The following PIK3R1 variants were observed in gnomAD, a reference collection of about 807,000 sequenced individuals.
The protein encoded by PIK3R1 is phosphatidylinositol 3-kinase regulatory subunit alpha.
Under a neutral mutation model 98.0 loss-of-function variants are expected in PIK3R1, and 29 were observed. The ratio of observed to expected loss-of-function variants is 0.30; its 90% CI spans 0.22 to 0.40. PIK3R1 has a LOEUF of 0.40. PIK3R1 is among the 10% of genes least tolerant of loss of function. The probability of loss-of-function intolerance (pLI) is 1.00; values close to 1 mark genes in which losing one functional copy is unlikely to be tolerated. For synonymous variants in PIK3R1, 282 were observed against 311.8 expected, an observed-to-expected ratio of 0.90 and a Z score of 1.01; for missense variants, 596 against 872.7, an observed-to-expected ratio of 0.68 and a Z score of 3.99.
chr5:68,273,127 G>C (rs993840189), intron 2 of PIK3R1, among the ~76,000 whole-genome samples: 15 of 152,110 alleles, frequency 9.9e-5, no homozygotes, highest in African/African-American at 3.6e-4. Flanking sequence ...TACCTAGACA[G>C]GGGGGTTTGT....
At chr5:68,259,552 G>A (rs545223324) in intron 2 of PIK3R1, among the ~76,000 whole-genome samples, 1 of 152,208 alleles carries the variant, frequency 6.6e-6, no homozygotes, top group Admixed American at 6.5e-5. Context: ...CGTGAGGAGA[G>A]GGGTTCTGTT....
intron 3 of PIK3R1, 122 bp from the exon 4 acceptor site, chr5:68,273,817 T>G (rs2112166115): frequency 1.3e-6 from 1 of 778,612 alleles, no homozygotes; most frequent in East Asian, 2.5e-5. Context: ...CTTCCAAGAA[T>G]ATTTGGTACA....
intron 2 of PIK3R1, among the ~76,000 whole-genome samples, chr5:68,264,560 A>G (rs1746044847): frequency 6.6e-6 from 1 of 152,232 alleles, no homozygotes; most frequent in African/African-American, 2.4e-5. Flanking sequence ...AAATGAGATT[A>G]AACGCTGAGC....
intron 2 of PIK3R1, among the ~76,000 whole-genome samples, chr5:68,272,597 A>G (rs762445654): frequency 1.1e-4 from 17 of 152,208 alleles, no homozygotes; most frequent in South Asian, 2.1e-4. Flanking sequence ...ATGTTGAAGA[A>G]TGTTATTTAT....
chr5:68,226,462 C>G lies in PIK3R1; in HGVS notation c.-214C>G. On this transcript the variant is annotated 5_prime_UTR_variant, in exon 2 of 16. Coordinates refer to ENST00000521381, the MANE Select transcript of PIK3R1 (RefSeq NM_181523.3). Reference sequence around the variant, plus strand: ...CTGTGGCACGCAGAGGAAGTGGAGCCCTGTCTTCGGTCACACCATTGATGG... The same window carrying G: ...CTGTGGCACGCAGAGGAAGTGGAGCGCTGTCTTCGGTCACACCATTGATGG... The G allele has an allele frequency of 1.9e-6, 1 of 515,320 alleles. No homozygotes were observed. The highest frequency in any genetic ancestry group is 3.4e-6 in the Non-Finnish European group (1 of 292,092). The allele number at this position is 515,320 out of a possible 1,614,324, so 31.9% of individuals were successfully genotyped here.
chr5:68,239,280 C>T (rs933527449), intron 2 of PIK3R1, among the ~76,000 whole-genome samples: 1 of 151,918 alleles, frequency 6.6e-6, no homozygotes, highest in Non-Finnish European at 1.5e-5. Flanking sequence ...TTCTAAACAC[C>T]TAGAAATATA....
chr5:68,288,674 A>G lies in PIK3R1; in HGVS notation c.917-3585A>G, dbSNP rs1580255008. Reference sequence around the variant, plus strand: ...GGCTTGGCCCACTTGGTGGAAGAACAGCTTTGGGGATTTTTTTTTTTTCAT... The same window carrying G: ...GGCTTGGCCCACTTGGTGGAAGAACGGCTTTGGGGATTTTTTTTTTTTCAT... On this transcript the variant is annotated intron_variant, in intron 7 of 15. Transcript: ENST00000521381. The G allele has an allele frequency of 2.5e-6, 4 of 1,606,532 alleles. No individual in the cohort carries two copies. In the South Asian group the frequency reaches 3.3e-5, roughly 13 times the overall value.
chr5:68,249,568 C>G (rs185042685), intron 2 of PIK3R1, among the ~76,000 whole-genome samples: 1 of 152,290 alleles, frequency 6.6e-6, no homozygotes, highest in East Asian at 1.9e-4. Context: ...CATTGGACTT[C>G]TTAACTAAAC....
intron 2 of PIK3R1, among the ~76,000 whole-genome samples, chr5:68,245,863 T>C (rs948064874): frequency 1.3e-5 from 2 of 152,240 alleles, no homozygotes; most frequent in Admixed American, 6.5e-5. Flanking sequence ...TTCACCTTTT[T>C]TGAGGCTGTC....
In PIK3R1 at chr5:68,255,981, G is replaced by C. The variant is rs764860381; in HGVS notation, c.335-17409G>C. On this transcript the variant is annotated intron_variant, in intron 2 of 15. Transcript: ENST00000521381. ...TTTATTCTTTCTACTGAAGCACCTG[G>C]TTGAAAGGAGTGGGATGCTGAATTC... 1.6e-4 allele frequency among the ~76,000 whole-genome samples: 25 copies of C among 152,210 alleles called. 1 individual carries two copies. Among genetic ancestry groups the C allele is most frequent in the Admixed American group, 2.6e-4 (4 of 15,282 alleles).
At chr5:68,288,889 C>G in intron 7 of PIK3R1, 1 of 853,638 alleles carries the variant, frequency 1.2e-6, no homozygotes, top group African/African-American at 1.7e-5. Flanking sequence ...TTAGGGGAGA[C>G]ACTCCCCCTG....
At chr5:68,228,951 G>GAT (rs780024171) in intron 2 of PIK3R1, among the ~76,000 whole-genome samples, 9 of 151,806 alleles carry the variant, frequency 5.9e-5, no homozygotes, top group Non-Finnish European at 8.8e-5. Flanking sequence ...CATGTAATGT[G>GAT]ATGACAATTG....
At chr5:68,293,635 A>G (rs1034969797) in intron 10 of PIK3R1, 74 bp from the exon 11 acceptor site, 18 of 1,204,844 alleles carry the variant, frequency 1.5e-5, no homozygotes, top group African/African-American at 4.6e-5. Context: ...AGATGTTTCC[A>G]TGTCAGCTAT....
chr5:68,282,301 G>A (rs1307951843), intron 7 of PIK3R1, among the ~76,000 whole-genome samples: 1 of 152,144 alleles, frequency 6.6e-6, no homozygotes, highest in East Asian at 1.9e-4. Flanking sequence ...GTGTTCAGAG[G>A]CTGCCTTTGG....
intron 1 of PIK3R1, among the ~76,000 whole-genome samples, chr5:68,218,893 A>G (rs1170118674): frequency 6.6e-6 from 1 of 152,372 alleles, no homozygotes; most frequent in East Asian, 1.9e-4. Context: ...ACAGCTTTTT[A>G]TCAAAACCTA....
intron 2 of PIK3R1, among the ~76,000 whole-genome samples, chr5:68,230,169 C>T (rs563429343): frequency 2.5e-4 from 38 of 152,320 alleles, no homozygotes; most frequent in African/African-American, 7.2e-4. Context: ...TCAAATCTTT[C>T]GTCTCATGGA....
intron 2 of PIK3R1, among the ~76,000 whole-genome samples, chr5:68,243,308 C>T (rs1193555846): frequency 6.6e-6 from 1 of 152,124 alleles, no homozygotes; most frequent in Non-Finnish European, 1.5e-5. Context: ...AAGATTTGTT[C>T]CACTGCTTTG....
At chr5:68,273,914 G>A in intron 3 of PIK3R1, 25 bp from the exon 4 acceptor site, 1 of 1,588,638 alleles carries the variant, frequency 6.3e-7, no homozygotes, top group Admixed American at 1.7e-5. Flanking sequence ...TGCATACATG[G>A]TCTGTGGTCT....
chr5:68,258,455 C>T (rs182614859), intron 2 of PIK3R1, among the ~76,000 whole-genome samples: 3 of 152,296 alleles, frequency 2.0e-5, no homozygotes, highest in Admixed American at 2.0e-4. Context: ...CATATTTCGA[C>T]CTCTGCCCTC....
Sources: allele counts gnomAD v4.1 joint callset (sites outside exome capture counted in the v4.1 genomes callset), GRCh38; gene constraint gnomAD v4.1.1; transcripts MANE v1.5; gene names NCBI Gene and HGNC (gene_info 2026-07-23, HGNC 2026-07-21).